CNST: variants seen among roughly 807,000 people sequenced by gnomAD.
CNST encodes consortin.
Under a neutral mutation model 72.4 loss-of-function variants are expected in CNST, and 39 were observed. That is an observed-to-expected ratio of 0.54 (90% CI 0.42 to 0.70). CNST has a LOEUF of 0.70. Among genes scored for constraint, CNST ranks in the 30% least tolerant of loss-of-function variants. The pLI is 0.00. For synonymous variants in CNST, 332 were observed against 320.1 expected (o/e 1.04, Z -0.40); for missense variants, 871 against 868.5 (o/e 1.00, Z -0.04).
intron 10 of CNST, among the ~76,000 whole-genome samples, chr1:246,663,336 T>TAA (rs768843517): frequency 0.021 from 2,410 of 116,452 alleles, 66 homozygotes; most frequent in African/African-American, 0.071. Context: ...ACCCTATGTC[T>TAA]AAAAAAAAAA....
intron 3 of CNST, among the ~76,000 whole-genome samples, chr1:246,629,825 A>G (rs1223879437): frequency 2.6e-5 from 4 of 152,126 alleles, no homozygotes; most frequent in African/African-American, 9.7e-5. Context: ...TCTACCTCCC[A>G]GGTTCAAGTG....
intron 1 of CNST, among the ~76,000 whole-genome samples, chr1:246,568,778 T>C (rs2102996478): frequency 6.6e-6 from 1 of 152,362 alleles, no homozygotes; most frequent in Non-Finnish European, 1.5e-5. Context: ...AGTTTCGCCA[T>C]GTTGGCCAGG....
At chr1:246,620,864 CT>C in intron 2 of CNST, among the ~76,000 whole-genome samples, 1 of 149,908 alleles carries the variant, frequency 6.7e-6, no homozygotes, top group East Asian at 2.0e-4. Flanking sequence ...GGGAGGATGG[CT>C]TCAGTCATGC....
At chr1:246,620,656 C>CGTG (rs2103076153) in intron 2 of CNST, among the ~76,000 whole-genome samples, 1 of 115,338 alleles carries the variant, frequency 8.7e-6, no homozygotes, top group South Asian at 2.9e-4. Context: ...CGGCTTCAGT[C>CGTG]GTGCATACAC....
chr1:246,660,412 G>A (rs544858178), intron 10 of CNST, 78 bp downstream of exon 10: 557 of 1,469,638 alleles, frequency 3.8e-4, no homozygotes, highest in Non-Finnish European at 4.9e-4. Flanking sequence ...ATGATGTGAC[G>A]TTTACTAACA....
At chr1:246,635,403 A>G (rs1442860757) in intron 6 of CNST, among the ~76,000 whole-genome samples, 3 of 151,850 alleles carry the variant, frequency 2.0e-5, no homozygotes, top group Non-Finnish European at 4.4e-5. Context: ...TGTCCCTACC[A>G]GCGTTTTAAA....
chr1:246,586,109 ATATGTGTGTGTG>A (rs1423810996), intron 1 of CNST, among the ~76,000 whole-genome samples: 20 of 122,198 alleles, frequency 1.6e-4, no homozygotes, highest in East Asian at 8.9e-4. Flanking sequence ...ATATATATAT[ATATGTGTGTGTG>A]TGTGTGTGTG....
At chr1:246,588,142 A>C (rs1661309560) in intron 1 of CNST, among the ~76,000 whole-genome samples, 1 of 151,756 alleles carries the variant, frequency 6.6e-6, no homozygotes, top group South Asian at 2.1e-4. Context: ...TATATTTTTT[A>C]TTTTTATTAA....
At chr1:246,595,234 C>T (rs1426596400) in intron 2 of CNST, among the ~76,000 whole-genome samples, 1 of 151,988 alleles carries the variant, frequency 6.6e-6, no homozygotes, top group African/African-American at 2.4e-5. Flanking sequence ...GTGGAAGAGA[C>T]CTAGAATGGG....
chr1:246,630,679 G>A (rs1435529879), intron 3 of CNST, among the ~76,000 whole-genome samples: 1 of 143,552 alleles, frequency 7.0e-6, no homozygotes, highest in Non-Finnish European at 1.5e-5. Flanking sequence ...AACGGAGATA[G>A]TGATGTATAA....
intron 1 of CNST, among the ~76,000 whole-genome samples, chr1:246,583,824 G>A (rs907391665): frequency 1.3e-5 from 2 of 152,162 alleles, no homozygotes; most frequent in Admixed American, 1.3e-4. Flanking sequence ...CTGAATGTGG[G>A]GCAGGAGCAT....
intron 2 of CNST, 102 bp downstream of exon 2, chr1:246,592,043 T>C: frequency 1.1e-6 from 1 of 928,580 alleles, no homozygotes; most frequent in Non-Finnish European, 1.6e-6. Context: ...CTTCTTTGCT[T>C]ACGATATTCT....
At chr1:246,619,959 G>T (rs544183158) in intron 2 of CNST, among the ~76,000 whole-genome samples, 1 of 94,560 alleles carries the variant, frequency 1.1e-5, no homozygotes, top group African/African-American at 4.4e-5. Flanking sequence ...GGCTTCAGTC[G>T]TGCATACACA....
At chr1:246,611,420 T>C (rs1663310213) in intron 2 of CNST, among the ~76,000 whole-genome samples, 1 of 152,288 alleles carries the variant, frequency 6.6e-6, no homozygotes, top group East Asian at 1.9e-4. Flanking sequence ...ACTCAAGGCC[T>C]TTTCATTTTA....
chr1:246,645,462 C>T (rs1558585669), intron 8 of CNST, among the ~76,000 whole-genome samples: 1 of 131,830 alleles, frequency 7.6e-6, no homozygotes, highest in Admixed American at 8.7e-5. Context: ...GAGTCTCGCT[C>T]TGTCGCCCAG....
intron 2 of CNST, among the ~76,000 whole-genome samples, chr1:246,615,336 C>T (rs1260507723): frequency 9.2e-5 from 14 of 152,000 alleles, no homozygotes; most frequent in Admixed American, 1.3e-4. Flanking sequence ...CCACCAGGCC[C>T]GGCTAATTTT....
At chr1:246,642,152 T>TTTTTTTTTTTTTTTTTTTTTTTTTTTC (rs1665759373) in intron 8 of CNST, 115 bp downstream of exon 8, 1 of 588,932 alleles carries the variant, frequency 1.7e-6, no homozygotes, top group African/African-American at 2.1e-5. Flanking sequence ...TTTTTTTTTT[T>TTTTTTTTTTTTTTTTTTTTTTTTTTTC]TTGCACTTAC....
At chr1:246,642,406 C>T (rs550154229) in intron 8 of CNST, among the ~76,000 whole-genome samples, 1 of 152,078 alleles carries the variant, frequency 6.6e-6, no homozygotes, top group East Asian at 1.9e-4. Context: ...TAAAAACCAA[C>T]AGTTATTGTA....
At chr1:246,646,817 TG>T (rs1218799618) in intron 8 of CNST, among the ~76,000 whole-genome samples, 2 of 152,230 alleles carry the variant, frequency 1.3e-5, no homozygotes, top group African/African-American at 4.8e-5. Flanking sequence ...AAATAATTTT[TG>T]TAACTTCATT....
Sources: gnomAD v4.1 joint callset for allele counts (sites outside exome capture counted in the v4.1 genomes callset) on GRCh38, gnomAD v4.1.1 for gene constraint, MANE v1.5 for transcripts, NCBI Gene and HGNC (gene_info 2026-07-23, HGNC 2026-07-21) for gene names.